Variants in EXT1 observed in about 807,000 individuals in gnomAD.
The protein encoded by EXT1 is exostosin glycosyltransferase 1, also known as exostosin-1.
Under a neutral mutation model 82.5 loss-of-function variants are expected in EXT1, and 20 were observed. The observed-to-expected ratio is 0.24, with a 90% CI of 0.17 to 0.35. EXT1 has a LOEUF of 0.35. Among genes scored for constraint, EXT1 ranks in the 10% least tolerant of loss-of-function variants. EXT1 has a pLI of 1.00. For missense variants in EXT1, 757 were observed against 936.5 expected (o/e 0.81, Z 2.50); for synonymous variants, 348 against 350.8 (o/e 0.99, Z 0.09).
intron 1 of EXT1, among the ~76,000 whole-genome samples, chr8:117,878,471 T>G (rs1813007339): frequency 6.6e-6 from 1 of 152,188 alleles, no homozygotes; most frequent in Admixed American, 6.5e-5. Flanking sequence ...GCCAGGCACT[T>G]GAGATACACC....
intron 1 of EXT1, among the ~76,000 whole-genome samples, chr8:118,066,832 AC>A (rs1816996696): frequency 6.6e-6 from 1 of 152,124 alleles, no homozygotes; most frequent in Non-Finnish European, 1.5e-5. Context: ...GAGGGTCAGC[AC>A]CCCCTAATCT....
intron 1 of EXT1, among the ~76,000 whole-genome samples, chr8:117,974,731 T>A (rs1815030847): frequency 1.3e-5 from 2 of 152,186 alleles, no homozygotes; most frequent in Admixed American, 1.3e-4. Flanking sequence ...CCTCCCAAAG[T>A]ATTGGGATTA....
chr8:117,813,009 GTAACT>G, intron 7 of EXT1, 48 bp from the exon 8 acceptor site: 1 of 1,490,556 alleles, frequency 6.7e-7, no homozygotes, highest in Non-Finnish European at 9.3e-7. Context: ...AGGGAAAGAG[GTAACT>G]TCAGAGTCTT....
At chr8:118,044,565 G>T (rs547326754) in intron 1 of EXT1, among the ~76,000 whole-genome samples, 1 of 152,080 alleles carries the variant, frequency 6.6e-6, no homozygotes, top group Admixed American at 6.5e-5. Context: ...GCGCCATCAT[G>T]CCTGGCTAAT....
At chr8:117,923,961 G>T (rs1813907803) in intron 1 of EXT1, among the ~76,000 whole-genome samples, 1 of 152,194 alleles carries the variant, frequency 6.6e-6, no homozygotes, top group Admixed American at 6.5e-5. Flanking sequence ...CACCATCGTT[G>T]ATATACTGAG....
chr8:117,836,501 T>C (rs1812190965), intron 2 of EXT1, among the ~76,000 whole-genome samples: 1 of 152,188 alleles, frequency 6.6e-6, no homozygotes, highest in African/African-American at 2.4e-5. Flanking sequence ...GTTGAGGGCA[T>C]GCTTTCTCTC....
intron 1 of EXT1, among the ~76,000 whole-genome samples, chr8:118,013,358 G>A (rs146477376): frequency 7.2e-4 from 110 of 152,192 alleles, no homozygotes; most frequent in African/African-American, 2.4e-3. Flanking sequence ...ACAGGAGCCC[G>A]TCACTGCGCC....
At chr8:118,061,974 A>G (rs1271456869) in intron 1 of EXT1, among the ~76,000 whole-genome samples, 1 of 152,234 alleles carries the variant, frequency 6.6e-6, no homozygotes, top group Non-Finnish European at 1.5e-5. Flanking sequence ...TCAAAACTCC[A>G]AAGTATTACT....
intron 1 of EXT1, among the ~76,000 whole-genome samples, chr8:118,019,767 C>G (rs1816067991): frequency 6.6e-6 from 1 of 152,164 alleles, no homozygotes; most frequent in Non-Finnish European, 1.5e-5. Context: ...GGAACTGAGA[C>G]AAAACTTAAA....
chr8:118,027,790 G>A (rs1426143558), intron 1 of EXT1, among the ~76,000 whole-genome samples: 2 of 152,074 alleles, frequency 1.3e-5, no homozygotes, highest in African/African-American at 2.4e-5. Context: ...CGTAAATGAC[G>A]CTAAACAACT....
chr8:117,811,778 G>A (rs1823328713), intron 8 of EXT1, among the ~76,000 whole-genome samples: 1 of 152,078 alleles, frequency 6.6e-6, no homozygotes, highest in African/African-American at 2.4e-5. Context: ...ACCACGCCTG[G>A]CTAATTTTTG....
intron 1 of EXT1, among the ~76,000 whole-genome samples, chr8:117,858,160 G>A (rs1812597885): frequency 6.6e-6 from 1 of 152,246 alleles, no homozygotes; most frequent in African/African-American, 2.4e-5. Context: ...TTGTTGGAAT[G>A]ATAACAAAGG....
At chr8:117,996,077 G>T (rs1343966408) in intron 1 of EXT1, among the ~76,000 whole-genome samples, 2 of 152,068 alleles carry the variant, frequency 1.3e-5, no homozygotes. Context: ...ATCCAGACAG[G>T]ATAAATATAA....
At chr8:117,898,362 A>G (rs11777874) in intron 1 of EXT1, among the ~76,000 whole-genome samples, 20,633 of 152,140 alleles carry the variant, frequency 0.14, 1,976 homozygotes, top group East Asian at 0.36. Flanking sequence ...CAGCCTGGGG[A>G]TGTTCTAGAT....
chr8:118,100,191 G>C (rs912957092), intron 1 of EXT1, among the ~76,000 whole-genome samples: 2 of 152,262 alleles, frequency 1.3e-5, no homozygotes, highest in African/African-American at 4.8e-5. Flanking sequence ...TGCTAGCCAA[G>C]CAAGACATGA....
At position 118,110,828 on chromosome 8, in the gene EXT1, G is replaced by A. The variant is rs750250958; in HGVS notation, c.219C>T (p.Asn73=). The part of the protein sequence containing the change: ...RPFVPWDQLE[N]EDSSVHISPR... ...GGGAAATGTGCACGCTGGAATCCTC[G>A]TTTTCCAATTGATCCCAAGGAACGA... Residue 73 remains asparagine (N), a synonymous_variant, in exon 1 of 11, where the codon AAC becomes AAT. Transcript: ENST00000378204. 2.5e-6 allele frequency: 4 copies of A among 1,612,626 alleles called. No individual in the cohort carries two copies. In the East Asian group the frequency reaches 8.9e-5, roughly 36 times the overall value.
At chr8:118,022,684 G>GGACT (rs1816130229) in intron 1 of EXT1, among the ~76,000 whole-genome samples, 1 of 151,274 alleles carries the variant, frequency 6.6e-6, no homozygotes, top group African/African-American at 2.4e-5. Flanking sequence ...GATCAGCTTT[G>GGACT]GACTCCCAAG....
chr8:118,105,532 C>G lies in EXT1; in HGVS notation c.962+4553G>C, dbSNP rs1303240343. On this transcript the variant is annotated intron_variant, in intron 1 of 10. Transcript: ENST00000378204. ...AGGGATTCCTTGTGATTGAGGTTCT[C>G]AGGTGCTCTCCAGAAAGCAGGTTTA... Among the ~76,000 whole-genome samples the G allele has an allele frequency of 2.0e-5, 3 of 152,086 alleles. No homozygotes were observed. In the South Asian group the frequency reaches 6.2e-4, roughly 32 times the overall value.
intron 1 of EXT1, among the ~76,000 whole-genome samples, chr8:117,978,599 C>CT (rs1815117073): frequency 6.6e-6 from 1 of 152,094 alleles, no homozygotes; most frequent in South Asian, 2.1e-4. Flanking sequence ...TCTGGATGAC[C>CT]TATATAGGAA....
Sources: gnomAD v4.1 joint callset for allele counts (sites outside exome capture counted in the v4.1 genomes callset) on GRCh38, gnomAD v4.1.1 for gene constraint, MANE v1.5 for transcripts, NCBI Gene and HGNC (gene_info 2026-07-23, HGNC 2026-07-21) for gene names.